Variants in KIF26B observed in about 807,000 individuals in gnomAD.
KIF26B encodes the protein kinesin-like protein KIF26B.
KIF26B carries 63 observed loss-of-function variants against 151.2 expected under a neutral mutation model. That is an observed-to-expected ratio of 0.42 (90% CI 0.34 to 0.51). The LOEUF (loss-of-function observed/expected upper bound fraction) is 0.51. Among genes scored for constraint, KIF26B ranks in the 20% least tolerant of loss-of-function variants. KIF26B has a pLI of 0.07. For synonymous variants in KIF26B, 1,357 were observed against 1,262.1 expected, an observed-to-expected ratio of 1.08 and a Z score of -1.59; for missense variants, 2,813 against 2,913.6, an observed-to-expected ratio of 0.97 and a Z score of 0.79.
chr1:245,462,277 G>T (rs983836880), intron 4 of KIF26B, among the ~76,000 whole-genome samples: 5 of 152,026 alleles, frequency 3.3e-5, no homozygotes, highest in African/African-American at 9.7e-5. Context: ...AGAATGGAGG[G>T]TGTTATGTGA....
At position 245,169,870 on chromosome 1, in the gene KIF26B, G is replaced by T. The variant is rs547681916; in HGVS notation, c.465+13187G>T. On this transcript the variant is annotated intron_variant, in intron 2 of 14. Coordinates refer to ENST00000407071, the MANE Select transcript of KIF26B (RefSeq NM_018012.4). ...TAGGAGGCTTCTCCAGGGTCACCCAGAAAACCTCTGGATTCTGAATCTCCT... is the reference window on the plus strand; with the variant it reads ...TAGGAGGCTTCTCCAGGGTCACCCATAAAACCTCTGGATTCTGAATCTCCT... Among the ~76,000 whole-genome samples, 6 of 152,270 alleles carry T rather than the reference G, an allele frequency of 3.9e-5. No individual in the cohort carries two copies. The South Asian group carries it at 1.2e-3, about 32-fold the overall frequency.
At chr1:245,584,177 C>T (rs927251390) in intron 5 of KIF26B, among the ~76,000 whole-genome samples, 4 of 152,074 alleles carry the variant, frequency 2.6e-5, no homozygotes, top group Non-Finnish European at 5.9e-5. Context: ...GTGTTTCCTG[C>T]CCCGTCTCAT....
chr1:245,477,807 T>C (rs1229632312), intron 4 of KIF26B, among the ~76,000 whole-genome samples: 1 of 151,806 alleles, frequency 6.6e-6, no homozygotes, highest in Non-Finnish European at 1.5e-5. Flanking sequence ...TCAGAGTCTA[T>C]AGGGCCTAGG....
chr1:245,204,218 G>C (rs545138471), intron 2 of KIF26B, among the ~76,000 whole-genome samples: 1 of 152,268 alleles, frequency 6.6e-6, no homozygotes, highest in Admixed American at 6.5e-5. Flanking sequence ...CTAGGAGAGA[G>C]GAACAAATGA....
chr1:245,256,809 CAGAT>C (rs755579343), intron 2 of KIF26B, among the ~76,000 whole-genome samples: 82 of 152,306 alleles, frequency 5.4e-4, no homozygotes, highest in East Asian at 9.6e-4. Flanking sequence ...ACCAACTTGA[CAGAT>C]AGCCGGCCCC....
rs754778038 is a variant in KIF26B, at chr1:245,609,290, A to T, written c.1676A>T (p.Lys559Met). The T allele has an allele frequency of 3.7e-6, 6 of 1,607,306 alleles. No individual in the cohort carries two copies. The East Asian group carries it at 1.3e-4, about 36-fold the overall frequency. Residue 559 changes from lysine to methionine, a missense_variant, in exon 8 of 15, where the codon AAG (lysine) becomes ATG (methionine). Coordinates refer to ENST00000407071, the MANE Select transcript of KIF26B (RefSeq NM_018012.4). ...GGAAAATCCTACACCATGATCGGAA[A>T]GGATGATTCCATGCAGAACCTGGGC... is the stretch of plus-strand genomic sequence containing the variant. ...KLGKSYTMIG[K>M]DDSMQNLGII... is the part of the protein sequence containing the mutation.
intron 3 of KIF26B, among the ~76,000 whole-genome samples, chr1:245,388,102 G>A (rs989813117): frequency 2.8e-4 from 43 of 152,112 alleles, no homozygotes; most frequent in African/African-American, 1.0e-3. Context: ...GAAGTGACGT[G>A]GAAGCTATCG....
intron 2 of KIF26B, among the ~76,000 whole-genome samples, chr1:245,245,760 CTT>C (rs2103562321): frequency 6.6e-6 from 1 of 152,186 alleles, no homozygotes; most frequent in African/African-American, 2.4e-5. Flanking sequence ...GTGAAACTGT[CTT>C]TACTAAAAAT....
In KIF26B at chr1:245,516,237, G is replaced by C. The variant is rs1172667180; in HGVS notation, c.1167-24530G>C. The stretch of plus-strand genomic sequence containing the variant: ...TTCCCATAGCAATGCTTGAACTCTG[G>C]TCCGTGATGAAGCAAGCTCTTCCAT... On this transcript the variant is annotated intron_variant, in intron 4 of 14. Coordinates refer to ENST00000407071, the MANE Select transcript of KIF26B (RefSeq NM_018012.4). The surrounding 1 kb of genome is among the most constrained non-coding windows in gnomAD (Gnocchi z 4.2). Among the ~76,000 whole-genome samples, 2 of 152,060 alleles carry C rather than the reference G, an allele frequency of 1.3e-5. No homozygotes were observed. The highest frequency in any genetic ancestry group is 3.9e-4 in the East Asian group (2 of 5,188).
chr1:245,327,834 A>G (rs1672023275), intron 2 of KIF26B, among the ~76,000 whole-genome samples: 1 of 152,140 alleles, frequency 6.6e-6, no homozygotes, highest in Admixed American at 6.5e-5. Context: ...GGGAAAAGAG[A>G]GCGTTTATGT....
intron 4 of KIF26B, among the ~76,000 whole-genome samples, chr1:245,436,299 A>G (rs944495494): frequency 6.6e-6 from 1 of 152,038 alleles, no homozygotes; most frequent in South Asian, 2.1e-4. Context: ...GCAGTCTCCT[A>G]CCTCTGCTAC....
chr1:245,540,932 C>T lies in KIF26B; in HGVS notation c.1332C>T (p.Asp444=). Residue 444 remains aspartate (D), a synonymous_variant, in exon 5 of 15, where the codon GAC becomes GAT. Transcript: ENST00000407071. The surrounding 1 kb of genome is among the most constrained non-coding windows in gnomAD (Gnocchi z 4.6). The stretch of plus-strand genomic sequence containing the variant: ...TGAGGGCTGTCAACAAGGTGAAGGA[C>T]ACCCCGGGGCTGGGCAAGGTAGGAC... The part of the protein sequence containing the change: ...CLLRAVNKVK[D]TPGLGKVKVM... 1 of 1,613,260 alleles carries T rather than the reference C, an allele frequency of 6.2e-7. No homozygotes were observed. Among genetic ancestry groups the T allele is most frequent in the Non-Finnish European group, 8.5e-7 (1 of 1,179,362 alleles).
intron 4 of KIF26B, among the ~76,000 whole-genome samples, chr1:245,534,395 T>C (rs943578570): frequency 4.6e-5 from 7 of 152,138 alleles, no homozygotes; most frequent in African/African-American, 1.7e-4. Context: ...ACTCCTGACC[T>C]CGTGATCTGC....
At chr1:245,408,418 G>C (rs554997458) in intron 3 of KIF26B, among the ~76,000 whole-genome samples, 1 of 141,916 alleles carries the variant, frequency 7.0e-6, no homozygotes, top group Non-Finnish European at 1.5e-5. Flanking sequence ...GCAGTGGTGC[G>C]ATCTCAGCTC....
chr1:245,306,598 C>A (rs1671543214), intron 2 of KIF26B, among the ~76,000 whole-genome samples: 1 of 152,196 alleles, frequency 6.6e-6, no homozygotes, highest in Non-Finnish European at 1.5e-5. Flanking sequence ...TAGATACAGT[C>A]TAAACTCTGC....
At chr1:245,315,070 C>T (rs1407866131) in intron 2 of KIF26B, among the ~76,000 whole-genome samples, 2 of 151,956 alleles carry the variant, frequency 1.3e-5, no homozygotes, top group Non-Finnish European at 2.9e-5. Flanking sequence ...ATCCCAGCTA[C>T]TCGGGAGGCT....
chr1:245,283,998 G>A (rs1267579014), intron 2 of KIF26B, among the ~76,000 whole-genome samples: 1 of 152,134 alleles, frequency 6.6e-6, no homozygotes. Flanking sequence ...TTGAGAATAT[G>A]AGCAGCACTT....
intron 2 of KIF26B, among the ~76,000 whole-genome samples, chr1:245,191,869 A>C (rs1468215324): frequency 6.6e-6 from 1 of 152,222 alleles, no homozygotes; most frequent in African/African-American, 2.4e-5. Context: ...TAATCAAATA[A>C]ATGCAAATCG....
At chr1:245,205,989 C>T (rs1669398449) in intron 2 of KIF26B, among the ~76,000 whole-genome samples, 1 of 152,028 alleles carries the variant, frequency 6.6e-6, no homozygotes. Flanking sequence ...CCTCCCACCT[C>T]ACCCTCCCAA....
Sources: allele counts gnomAD v4.1 joint callset (sites outside exome capture counted in the v4.1 genomes callset), GRCh38; gene constraint gnomAD v4.1.1; non-coding constraint Gnocchi (gnomAD v3.1); transcripts MANE v1.5; gene names NCBI Gene and HGNC (gene_info 2026-07-23, HGNC 2026-07-21).